Variants in CUX1 observed in about 807,000 individuals in gnomAD.
CUX1 encodes the protein protein CASP.
Under a neutral mutation model 158.8 loss-of-function variants are expected in CUX1, and 31 were observed. The ratio of observed to expected loss-of-function variants is 0.20; its 90% CI spans 0.15 to 0.26. The LOEUF is 0.26. Among genes scored for constraint, CUX1 ranks in the 10% least tolerant of loss-of-function variants. The pLI is 1.00. For synonymous variants in CUX1, 879 were observed against 862.1 expected (o/e 1.02, Z -0.34); for missense variants, 1,589 against 2,014.6 (o/e 0.79, Z 4.04).
chr7:102,041,533 C>T (rs1273749850), intron 3 of CUX1, among the ~76,000 whole-genome samples: 1 of 151,942 alleles, frequency 6.6e-6, no homozygotes, highest in East Asian at 1.9e-4. Context: ...AGATTACAAG[C>T]ATGAGCCACC....
intron 8 of CUX1, among the ~76,000 whole-genome samples, chr7:102,138,784 A>G (rs1227103109): frequency 2.0e-5 from 3 of 152,192 alleles, no homozygotes; most frequent in South Asian, 4.1e-4. Context: ...AGGATTATCC[A>G]TTAGTGGTAA....
intron 2 of CUX1, among the ~76,000 whole-genome samples, chr7:101,931,404 C>A (rs954815136): frequency 7.2e-5 from 11 of 152,172 alleles, no homozygotes; most frequent in Non-Finnish European, 1.6e-4. Context: ...TGAGCACTTA[C>A]TGCATATCCA....
At chr7:102,279,503 G>C (rs2023204) in intron 18 of CUX1, among the ~76,000 whole-genome samples, 1,523 of 152,114 alleles carry the variant, frequency 0.01, 17 homozygotes, top group African/African-American at 0.036. Flanking sequence ...GGGCCACCCC[G>C]TGCCAGGAAA....
chr7:101,826,334 G>A (rs977090516), intron 1 of CUX1, among the ~76,000 whole-genome samples: 1 of 151,856 alleles, frequency 6.6e-6, no homozygotes, highest in African/African-American at 2.4e-5. Flanking sequence ...GGGTAGCTGG[G>A]ACTATAGGCA....
Position 101,887,842 on chromosome 7 carries a change from C to CCTTTTTTTTTTTTTTTTTTT in CUX1, c.31-28273_31-28272insCTTTTTTTTTTTTTTTTTTT, listed in dbSNP as rs1562966470. Among the ~76,000 whole-genome samples, 5 of 135,038 alleles carry CCTTTTTTTTTTTTTTTTTTT rather than the reference C, an allele frequency of 3.7e-5. 1 individual carries two copies. The highest frequency in any genetic ancestry group is 4.8e-5 in the Non-Finnish European group (3 of 62,832). The allele number at this position is 135,038 out of a possible 152,430, so 88.6% of individuals were successfully genotyped here. A position where few individuals can be genotyped will look rare whatever the true frequency, so the allele number is the denominator to read the frequency against. On this transcript the variant is annotated intron_variant, in intron 1 of 23. Transcript: ENST00000292535. ...CCACTGGATCTGGTGATGACGGTGA[C>CCTTTTTTTTTTTTTTTTTTT]ATTTTTTTTTTTTTTTTTTTTTGTT...
At position 102,197,324 on chromosome 7, in the gene CUX1, G is replaced by A. The variant is rs527604444; in HGVS notation, c.1894+19G>A. 7.5e-6 allele frequency: 12 copies of A among 1,605,000 alleles called. No homozygotes were observed. The African/African-American group carries it at 1.6e-4, about 21-fold the overall frequency. On this transcript the variant is annotated intron_variant, in intron 15 of 23. Coordinates refer to ENST00000292535, the MANE Select transcript of CUX1 (RefSeq NM_181552.4). ...CAAAGAGGTGAGAGACTGGCGTTGGGTGGCGCCAGCGTGCGAGCCCGTCAC... is the reference window on the plus strand; with the variant it reads ...CAAAGAGGTGAGAGACTGGCGTTGGATGGCGCCAGCGTGCGAGCCCGTCAC...
chr7:101,883,492 G>A (rs1330046139), intron 1 of CUX1, among the ~76,000 whole-genome samples: 4 of 152,066 alleles, frequency 2.6e-5, no homozygotes, highest in African/African-American at 9.7e-5. Context: ...GCATGCCAGA[G>A]GCTATTAAGA....
chr7:101,855,877 C>A (rs1363782722), intron 1 of CUX1, among the ~76,000 whole-genome samples: 437 of 110,906 alleles, frequency 3.9e-3, no homozygotes, highest in Middle Eastern at 6.0e-3. Flanking sequence ...GTTTCCAGCT[C>A]AAAAAAAAAA....
chr7:102,097,613 G>A (rs1304758311), intron 5 of CUX1, 112 bp downstream of exon 5: 27 of 1,105,474 alleles, frequency 2.4e-5, no homozygotes, highest in Admixed American at 2.9e-5. Context: ...TAATATACAC[G>A]TCATAAAGTC....
In CUX1 at chr7:102,178,556, G is replaced by A. The variant is rs142950109; in HGVS notation, c.916G>A (p.Val306Met). 9 of 1,613,202 alleles carry A rather than the reference G, an allele frequency of 5.6e-6. No individual in the cohort carries two copies. The highest frequency in any genetic ancestry group is 1.6e-4 in the Middle Eastern group (1 of 6,074). ...EREIAQLVED[V>M]QRLQASLTKL... Reference sequence around the variant, plus strand: ...GGAGATCGCACAGCTGGTGGAGGACGTGCAGAGACTCCAGGCCAGCCTCAC... The same window carrying A: ...GGAGATCGCACAGCTGGTGGAGGACATGCAGAGACTCCAGGCCAGCCTCAC... The change falls in exon 11 of 24, where the codon GTG (valine) becomes ATG (methionine). Residue 306 changes from valine to methionine, a missense_variant. Physicochemically the swap from Val to Met is conservative, Grantham distance 21. Transcript: ENST00000292535.
At chr7:101,957,439 G>A (rs574143523) in intron 2 of CUX1, among the ~76,000 whole-genome samples, 146 of 152,066 alleles carry the variant, frequency 9.6e-4, no homozygotes, top group African/African-American at 3.4e-3. Context: ...CTTTTTTTTA[G>A]GCAGGGAACG....
At chr7:101,882,536 A>G (rs1278845579) in intron 1 of CUX1, among the ~76,000 whole-genome samples, 1 of 152,206 alleles carries the variant, frequency 6.6e-6, no homozygotes, top group Non-Finnish European at 1.5e-5. Context: ...GAAGACACCT[A>G]CAGAAATAAA....
At chr7:102,178,013 T>TA (rs1792581194) in intron 10 of CUX1, among the ~76,000 whole-genome samples, 1 of 152,156 alleles carries the variant, frequency 6.6e-6, no homozygotes, top group Non-Finnish European at 1.5e-5. Context: ...CTCCTCAGCC[T>TA]CCCGAGTAGC....
intron 1 of CUX1, among the ~76,000 whole-genome samples, chr7:101,845,452 A>G (rs761787870): frequency 6.6e-6 from 1 of 152,154 alleles, no homozygotes; most frequent in Non-Finnish European, 1.5e-5. Context: ...TACTGTTTGT[A>G]TGTATTTGAA....
chr7:101,826,099 C>G (rs536853557), intron 1 of CUX1, among the ~76,000 whole-genome samples: 1 of 152,190 alleles, frequency 6.6e-6, no homozygotes, highest in African/African-American at 2.4e-5. Context: ...CCTTTTCCAT[C>G]CCAGCTAGAA....
At chr7:102,281,754 C>T (rs1792084301) in intron 20 of CUX1, 5 of 892,094 alleles carry the variant, frequency 5.6e-6, no homozygotes, top group Non-Finnish European at 9.3e-6. Context: ...CCTTGCCACC[C>T]TAGGGCCCTT....
At chr7:101,817,467 G>A (rs1333157094), upstream of CUX1, 9 of 1,070,556 alleles carry the variant, frequency 8.4e-6, no homozygotes, top group Admixed American at 5.3e-5. The surrounding 1 kb of genome is among the most constrained non-coding windows in gnomAD (Gnocchi z 4.1). Context: ...CCGGCGCCGC[G>A]GGGGGACCGT....
chr7:101,924,080 T>C (rs1454448680), intron 2 of CUX1, among the ~76,000 whole-genome samples: 1 of 151,924 alleles, frequency 6.6e-6, no homozygotes, highest in Non-Finnish European at 1.5e-5. Flanking sequence ...GGGGAGGAGG[T>C]CCCTCCTTTT....
chr7:102,204,849 A>G (rs1331826793), intron 19 of CUX1, among the ~76,000 whole-genome samples: 1 of 152,252 alleles, frequency 6.6e-6, no homozygotes, highest in Non-Finnish European at 1.5e-5. Context: ...AATACAGGTA[A>G]AAGTCAAGTA....
Sources: allele counts gnomAD v4.1 joint callset (sites outside exome capture counted in the v4.1 genomes callset), GRCh38; gene constraint gnomAD v4.1.1; non-coding constraint Gnocchi (gnomAD v3.1); transcripts MANE v1.5; gene names NCBI Gene and HGNC (gene_info 2026-07-23, HGNC 2026-07-21).